The following COL14A1 variants were observed in gnomAD, a reference collection of about 807,000 sequenced individuals.
COL14A1 encodes the protein collagen type XIV alpha 1 chain.
A neutral mutation model predicts 230.3 loss-of-function variants in COL14A1; 136 were observed. That is an observed-to-expected ratio of 0.59 (90% CI 0.51 to 0.68). COL14A1 has a LOEUF of 0.68. Among genes scored for constraint, COL14A1 ranks in the 30% least tolerant of loss-of-function variants. The pLI, the probability that COL14A1 is intolerant of heterozygous loss-of-function variation, is 0.00. For missense variants in COL14A1, 1,976 were observed against 2,215.8 expected (o/e 0.89, Z 2.17); for synonymous variants, 792 against 784.1 (o/e 1.01, Z -0.17).
intron 16 of COL14A1, 23 bp from the exon 17 acceptor site, chr8:120,227,197 C>T (rs377374330): frequency 1.1e-5 from 17 of 1,610,512 alleles, no homozygotes; most frequent in Non-Finnish European, 1.4e-5. Flanking sequence ...AGCATAGTTA[C>T]TAAGCACCAA....
At chr8:120,131,838 C>CTTTTTTTTTTTTTT (rs1172286717) in intron 1 of COL14A1, among the ~76,000 whole-genome samples, 1 of 68,950 alleles carries the variant, frequency 1.5e-5, no homozygotes, top group Admixed American at 2.4e-4. Context: ...TTCTTCCTTT[C>CTTTTTTTTTTTTTT]TTTTTTTTTT....
chr8:120,198,345 T>C (rs536240662), intron 7 of COL14A1, among the ~76,000 whole-genome samples: 2 of 152,328 alleles, frequency 1.3e-5, no homozygotes, highest in East Asian at 1.9e-4. Context: ...CATGAAAATA[T>C]TGTGAAATAA....
intron 34 of COL14A1, among the ~76,000 whole-genome samples, chr8:120,291,066 T>C (rs1820360806): frequency 6.6e-6 from 1 of 152,198 alleles, no homozygotes; most frequent in Non-Finnish European, 1.5e-5. Flanking sequence ...TTACATGATT[T>C]CAAAAACTTG....
intron 16 of COL14A1, among the ~76,000 whole-genome samples, 194 bp from the exon 17 acceptor site, chr8:120,227,026 C>T (rs1818117333): frequency 6.6e-6 from 1 of 152,074 alleles, no homozygotes; most frequent in Non-Finnish European, 1.5e-5. Context: ...TTTAAAATGT[C>T]ACTTTTGCAA....
chr8:120,160,931 T>G (rs982454291), intron 3 of COL14A1, among the ~76,000 whole-genome samples: 3 of 152,164 alleles, frequency 2.0e-5, no homozygotes, highest in Non-Finnish European at 4.4e-5. Flanking sequence ...AAGCCTTTAA[T>G]AAAATAATAC....
At chr8:120,339,061 T>TA (rs1289607602) in intron 42 of COL14A1, among the ~76,000 whole-genome samples, 1 of 152,308 alleles carries the variant, frequency 6.6e-6, no homozygotes, top group East Asian at 1.9e-4. Context: ...CAGGTTCAAG[T>TA]GATTCTCCTG....
At chr8:120,265,507 G>A (rs985056147) in intron 24 of COL14A1, among the ~76,000 whole-genome samples, 2 of 151,836 alleles carry the variant, frequency 1.3e-5, no homozygotes, top group African/African-American at 4.8e-5. Context: ...AAACAGAAAT[G>A]TATAAAGTGC....
chr8:120,262,864 A>G lies in COL14A1; in HGVS notation c.2870-4A>G, dbSNP rs777946798. 1.9e-6 allele frequency: 3 copies of G among 1,596,576 alleles called. No homozygotes were observed. The highest frequency in any genetic ancestry group is 2.3e-5 in the South Asian group (2 of 87,278). ...GTTTTTGTTTTGTTTTGTTTTTATTATAGATAGGCAAAAGCAAGAATCCAC... is the reference window on the plus strand; with the variant it reads ...GTTTTTGTTTTGTTTTGTTTTTATTGTAGATAGGCAAAAGCAAGAATCCAC... On this transcript the variant is annotated splice_region_variant and splice_polypyrimidine_tract_variant and intron_variant, in intron 23 of 47. Coordinates refer to ENST00000297848, the MANE Select transcript of COL14A1 (RefSeq NM_021110.4).
intron 23 of COL14A1, among the ~76,000 whole-genome samples, chr8:120,255,719 A>G (rs1819125961): frequency 6.6e-6 from 1 of 151,936 alleles, no homozygotes; most frequent in Non-Finnish European, 1.5e-5. Flanking sequence ...TTAAAATTAT[A>G]TTGTACTCTA....
intron 1 of COL14A1, among the ~76,000 whole-genome samples, chr8:120,139,723 A>G (rs1414798868): frequency 2.0e-5 from 3 of 152,256 alleles, no homozygotes; most frequent in Admixed American, 1.3e-4. Flanking sequence ...AAATACCACA[A>G]TCATCTTAAA....
At chr8:120,162,219 G>A (rs1815701773) in intron 3 of COL14A1, among the ~76,000 whole-genome samples, 3 of 152,154 alleles carry the variant, frequency 2.0e-5, no homozygotes, top group Admixed American at 2.0e-4. Flanking sequence ...ACCATTGTAT[G>A]TATTTTTAAA....
At chr8:120,262,145 C>T (rs547003479) in intron 23 of COL14A1, among the ~76,000 whole-genome samples, 1 of 151,728 alleles carries the variant, frequency 6.6e-6, no homozygotes, top group Non-Finnish European at 1.5e-5. Flanking sequence ...GGGCTGTGTT[C>T]AGAAAATCAT....
rs1821200924 is a variant in COL14A1 at position 120,315,700 on chromosome 8, A to G, written c.4605+114A>G. 4.4e-6 allele frequency: 4 copies of G among 909,308 alleles called. No individual in the cohort carries two copies. The Admixed American group carries it at 7.0e-5, about 16-fold the overall frequency. The allele number at this position is 909,308 out of a possible 1,614,324, so 56.3% of individuals were successfully genotyped here. ...GATCTTGGTAAGTGTTTTCCATATTAAAGACTGCCTGTATTCACTTACCCT... is the reference window on the plus strand; with the variant it reads ...GATCTTGGTAAGTGTTTTCCATATTGAAGACTGCCTGTATTCACTTACCCT... On this transcript the variant is annotated intron_variant, in intron 39 of 47. Transcript: ENST00000297848.
chr8:120,311,085 A>G (rs1821019268), intron 37 of COL14A1, among the ~76,000 whole-genome samples: 1 of 152,374 alleles, frequency 6.6e-6, no homozygotes, highest in East Asian at 1.9e-4. Flanking sequence ...ATAAAAAAGA[A>G]GTAAATGAAA....
intron 40 of COL14A1, among the ~76,000 whole-genome samples, chr8:120,321,693 A>G (rs1350206965): frequency 6.6e-6 from 1 of 152,030 alleles, no homozygotes; most frequent in Non-Finnish European, 1.5e-5. Context: ...GGACACAGGC[A>G]TGGTACAAAT....
chr8:120,319,136 C>A (rs1330150203), intron 40 of COL14A1, among the ~76,000 whole-genome samples: 2 of 151,686 alleles, frequency 1.3e-5, no homozygotes, highest in African/African-American at 4.8e-5. Context: ...ATATTTTTGC[C>A]TTCTCTTGTT....
At chr8:120,203,987 C>G (rs1345101969) in intron 9 of COL14A1, 117 bp downstream of exon 9, 3 of 980,028 alleles carry the variant, frequency 3.1e-6, no homozygotes, top group South Asian at 2.1e-5. Flanking sequence ...CCCTTATTCC[C>G]CTAAGACCTG....
intron 45 of COL14A1, among the ~76,000 whole-genome samples, chr8:120,359,107 G>A (rs755891329): frequency 3.3e-5 from 5 of 151,534 alleles, no homozygotes; most frequent in Admixed American, 6.6e-5. Flanking sequence ...TGTGCTGAAC[G>A]TGCAGGTTTG....
intron 14 of COL14A1, among the ~76,000 whole-genome samples, chr8:120,222,672 G>A (rs1192619944): frequency 4.6e-5 from 7 of 151,528 alleles, no homozygotes; most frequent in Non-Finnish European, 8.8e-5. Flanking sequence ...TTTGGCTTCT[G>A]GACTGGCCCT....
Sources: gnomAD v4.1 joint callset for allele counts (sites outside exome capture counted in the v4.1 genomes callset) on GRCh38, gnomAD v4.1.1 for gene constraint, MANE v1.5 for transcripts, NCBI Gene and HGNC (gene_info 2026-07-23, HGNC 2026-07-21) for gene names.